FAM241A: variants seen among roughly 807,000 people sequenced by gnomAD.
FAM241A encodes uncharacterized protein FAM241A.
In FAM241A, 7 loss-of-function variants were observed where a neutral mutation model predicts 12.2. That is an observed-to-expected ratio of 0.58 (90% CI 0.33 to 1.08). The LOEUF (loss-of-function observed/expected upper bound fraction) is 1.08. FAM241A is among the 50% of genes least tolerant of loss of function. The pLI is 0.04. For missense variants in FAM241A, 161 were observed against 169.7 expected, an observed-to-expected ratio of 0.95 and a Z score of 0.29; for synonymous variants, 74 against 68.2, an observed-to-expected ratio of 1.08 and a Z score of -0.42.
Position 112,194,326 on chromosome 4 carries a change from T to A in FAM241A, c.*7388T>A, listed in dbSNP as rs1009885870. 4 of 152,194 alleles carry A rather than the reference T, an allele frequency of 2.6e-5. No homozygotes were observed. The highest frequency in any genetic ancestry group is 9.7e-5 in the African/African-American group (4 of 41,414). 9.4% of individuals were successfully genotyped at this position (152,194 alleles called of 1,614,324 possible). On this transcript the variant is annotated 3_prime_UTR_variant, in exon 2 of 2. Transcript: ENST00000309733. ...CAATTTGACTTCCTCTTTTCCTAAT[T>A]GAATACTTTTTACTTCCTTCTCCTG...
chr4:112,173,050 G>A (rs527259059), intron 1 of FAM241A, among the ~76,000 whole-genome samples: 8 of 152,006 alleles, frequency 5.3e-5, no homozygotes, highest in Admixed American at 6.6e-5. Context: ...ACCATACCCC[G>A]CTAACTTCTG....
At chr4:112,152,454 A>G (rs577575581) in intron 1 of FAM241A, among the ~76,000 whole-genome samples, 11 of 152,334 alleles carry the variant, frequency 7.2e-5, no homozygotes, top group African/African-American at 2.2e-4. Flanking sequence ...AGATATTCCA[A>G]TAGATAGGTT....
intron 1 of FAM241A, among the ~76,000 whole-genome samples, chr4:112,165,436 A>C (rs966118233): frequency 6.6e-6 from 1 of 151,610 alleles, no homozygotes; most frequent in Non-Finnish European, 1.5e-5. Context: ...TTAGTATCTC[A>C]AAGAGATATC....
chr4:112,164,740 T>C (rs554952525), intron 1 of FAM241A, among the ~76,000 whole-genome samples: 47 of 152,110 alleles, frequency 3.1e-4, no homozygotes, highest in Non-Finnish European at 6.0e-4. Flanking sequence ...TATAAGGAGC[T>C]CAAACAACTC....
intron 1 of FAM241A, among the ~76,000 whole-genome samples, chr4:112,167,127 A>T (rs1346611187): frequency 2.6e-5 from 4 of 151,142 alleles, no homozygotes; most frequent in African/African-American, 9.7e-5. Context: ...AAAAAAAAAA[A>T]TAAAAATAAA....
chr4:112,167,745 A>G lies in FAM241A; in HGVS notation c.154-18948A>G, dbSNP rs77640008. On this transcript the variant is annotated intron_variant, in intron 1 of 1. Transcript: ENST00000309733. ...CAGGGAACATGGGTTATTATTTTGT[A>G]TACCCCACAGCACTTAACCTTACTC... Among the ~76,000 whole-genome samples the G allele has an allele frequency of 4.3e-4, 66 of 152,362 alleles. 1 individual carries two copies. The East Asian group carries it at 0.011, about 26-fold the overall frequency.
chr4:112,185,852 A>G (rs1724027650), intron 1 of FAM241A, among the ~76,000 whole-genome samples: 1 of 152,198 alleles, frequency 6.6e-6, no homozygotes, highest in Non-Finnish European at 1.5e-5. Flanking sequence ...AATTGTTGCT[A>G]GAGTGAGACT....
chr4:112,145,728 G>A lies in FAM241A; in HGVS notation c.148G>A (p.Glu50Lys), dbSNP rs926007098. The A allele has an allele frequency of 8.4e-7, 1 of 1,192,238 alleles. No homozygotes were observed. Among genetic ancestry groups the A allele is most frequent in the African/African-American group, 1.6e-5 (1 of 62,742 alleles). The allele number at this position is 1,192,238 out of a possible 1,614,324, so 73.9% of individuals were successfully genotyped here. A position where few individuals can be genotyped will look rare whatever the true frequency, so the allele number is the denominator to read the frequency against. The change falls in exon 1 of 2, where the codon GAG becomes AAG. Residue 50 changes from glutamate to lysine, a missense_variant. Physicochemically the swap from Glu to Lys is moderately conservative, Grantham distance 56. Coordinates refer to ENST00000309733, the MANE Select transcript of FAM241A (RefSeq NM_152400.3). Reference protein sequence around the residue: ...RRRGQRPKESEQDVEDSQNHT... With the variant: ...RRRGQRPKESKQDVEDSQNHT... The stretch of plus-strand genomic sequence containing the variant: ...GCGCGGACAGCGGCCGAAGGAGAGC[G>A]AGCAGGTGAGCGCGGGGAGGGGCGG...
chr4:112,183,701 A>T (rs1014733700), intron 1 of FAM241A, among the ~76,000 whole-genome samples: 1 of 152,044 alleles, frequency 6.6e-6, no homozygotes, highest in African/African-American at 2.4e-5. Context: ...TAAAAAAAAA[A>T]ATTTTTTTAA....
intron 1 of FAM241A, among the ~76,000 whole-genome samples, chr4:112,183,886 A>T (rs4834237): frequency 0.44 from 67,127 of 151,796 alleles, 15,417 homozygotes; most frequent in East Asian, 0.63. Flanking sequence ...GGGTTTTTTT[A>T]AAATGTAGTA....
intron 1 of FAM241A, among the ~76,000 whole-genome samples, chr4:112,174,256 A>G (rs1292553449): frequency 6.6e-6 from 1 of 152,206 alleles, no homozygotes; most frequent in African/African-American, 2.4e-5. Flanking sequence ...CAGGAGAGGT[A>G]ACCCAGAAAA....
At chr4:112,171,247 T>C in intron 1 of FAM241A, 1 of 741,062 alleles carries the variant, frequency 1.3e-6, no homozygotes, top group Non-Finnish European at 2.5e-6. Context: ...CACTGGACTT[T>C]CTGTACGAAG....
intron 1 of FAM241A, among the ~76,000 whole-genome samples, chr4:112,152,898 G>A (rs1723273454): frequency 6.6e-6 from 1 of 152,080 alleles, no homozygotes; most frequent in Admixed American, 6.6e-5. Flanking sequence ...GTTTTTATGA[G>A]GATTCAGTCT....
intron 1 of FAM241A, among the ~76,000 whole-genome samples, chr4:112,184,638 T>C (rs2110435613): frequency 6.6e-6 from 1 of 152,290 alleles, no homozygotes; most frequent in East Asian, 1.9e-4. Context: ...ACCTCATCAG[T>C]CCCCCTTGGT....
chr4:112,161,887 G>T (rs1231343248), intron 1 of FAM241A, among the ~76,000 whole-genome samples: 1 of 152,140 alleles, frequency 6.6e-6, no homozygotes, highest in African/African-American at 2.4e-5. Flanking sequence ...TACCCATGAT[G>T]AAAACCGATG....
At chr4:112,163,384 G>A (rs1410310421) in intron 1 of FAM241A, among the ~76,000 whole-genome samples, 2 of 152,098 alleles carry the variant, frequency 1.3e-5, no homozygotes, top group East Asian at 3.9e-4. Flanking sequence ...CCTACAGAAT[G>A]GGAGAAAAAT....
In FAM241A at chr4:112,145,634, G is replaced by C. The variant is rs1004952462; in HGVS notation, c.54G>C (p.Glu18Asp). Reference protein sequence around the residue: ...LRGGDGGERDEDGDALAEREA... With the variant: ...LRGGDGGERDDDGDALAEREA... The stretch of plus-strand genomic sequence containing the variant: ...GCGGCGACGGCGGGGAACGCGACGA[G>C]GACGGGGACGCGCTGGCGGAGCGGG... Residue 18 changes from glutamate (E) to aspartate (D), a missense_variant, in exon 1 of 2, where the codon GAG becomes GAC. Physicochemically the swap from Glu to Asp is conservative, Grantham distance 45. Coordinates refer to ENST00000309733, the MANE Select transcript of FAM241A (RefSeq NM_152400.3). 1 of 1,224,598 alleles carries C rather than the reference G, an allele frequency of 8.2e-7. No individual in the cohort carries two copies. The highest frequency in any genetic ancestry group is 1.0e-6 in the Non-Finnish European group (1 of 982,606). The allele number at this position is 1,224,598 out of a possible 1,614,324, so 75.9% of individuals were successfully genotyped here.
chr4:112,192,512 A>G lies in FAM241A; in HGVS notation c.*5574A>G, dbSNP rs1413710385. Reference sequence around the variant, plus strand: ...CCCTCTCCCCTCCCCCCACCCCACAACAGTCCCCAGAGTGTGATGTTCCCC... The same window carrying G: ...CCCTCTCCCCTCCCCCCACCCCACAGCAGTCCCCAGAGTGTGATGTTCCCC... On this transcript the variant is annotated 3_prime_UTR_variant, in exon 2 of 2. Coordinates refer to ENST00000309733, the MANE Select transcript of FAM241A (RefSeq NM_152400.3). 1 of 108,278 alleles carries G rather than the reference A, an allele frequency of 9.2e-6. No individual in the cohort carries two copies. Among genetic ancestry groups the G allele is most frequent in the African/African-American group, 3.6e-5 (1 of 27,986 alleles). 6.7% of individuals were successfully genotyped at this position (108,278 alleles called of 1,614,324 possible).
chr4:112,171,331 G>A lies in FAM241A; in HGVS notation c.154-15362G>A, dbSNP rs1723715209. 5.3e-6 allele frequency: 4 copies of A among 752,666 alleles called. No homozygotes were observed. In the East Asian group the frequency reaches 7.5e-5, roughly 14 times the overall value. 46.6% of individuals were successfully genotyped at this position (752,666 alleles called of 1,614,324 possible). A position where few individuals can be genotyped will look rare whatever the true frequency, so the allele number is the denominator to read the frequency against. ...GATTCTCTGTATGCCCAGGGAAAGC[G>A]GTGTTACGACAAGAAGCAGAGTGAC... is the stretch of plus-strand genomic sequence containing the variant. On this transcript the variant is annotated intron_variant, in intron 1 of 1. Coordinates refer to ENST00000309733, the MANE Select transcript of FAM241A (RefSeq NM_152400.3).
Sources: gnomAD v4.1 joint callset for allele counts (sites outside exome capture counted in the v4.1 genomes callset) on GRCh38, gnomAD v4.1.1 for gene constraint, MANE v1.5 for transcripts, NCBI Gene and HGNC (gene_info 2026-07-23, HGNC 2026-07-21) for gene names.